Variants in CMSS1 observed in about 807,000 individuals in gnomAD.
CMSS1 encodes cms1 ribosomal small subunit homolog.
In CMSS1, 33 loss-of-function variants were observed where a neutral mutation model predicts 43.5. The ratio of observed to expected loss-of-function variants is 0.76; its 90% CI spans 0.57 to 1.01. CMSS1 has a LOEUF of 1.01. Among genes scored for constraint, CMSS1 ranks in the 50% least tolerant of loss-of-function variants. CMSS1 has a pLI of 0.00. For missense variants in CMSS1, 313 were observed against 326.4 expected, an observed-to-expected ratio of 0.96 and a Z score of 0.32; for synonymous variants, 115 against 117.2, an observed-to-expected ratio of 0.98 and a Z score of 0.12.
intron 1 of CMSS1, among the ~76,000 whole-genome samples, chr3:100,103,960 C>T (rs192405132): frequency 5.3e-5 from 8 of 152,252 alleles, no homozygotes; most frequent in Admixed American, 2.6e-4. Context: ...TTTAATCAGG[C>T]GCATTAACTC....
chr3:99,877,009 A>G (rs1296195191), intron 1 of CMSS1, among the ~76,000 whole-genome samples: 3 of 152,232 alleles, frequency 2.0e-5, no homozygotes, highest in Admixed American at 2.0e-4. Flanking sequence ...TGAAGAAAAA[A>G]GAAATTAGCC....
At chr3:100,131,197 A>G (rs2066705290) in intron 1 of CMSS1, among the ~76,000 whole-genome samples, 2 of 152,308 alleles carry the variant, frequency 1.3e-5, no homozygotes, top group South Asian at 4.1e-4. Context: ...GCGCAAAAAG[A>G]GCAAGTAACT....
chr3:99,835,551 A>G (rs1446238760), intron 1 of CMSS1, among the ~76,000 whole-genome samples: 4 of 152,222 alleles, frequency 2.6e-5, no homozygotes, highest in South Asian at 2.1e-4. Context: ...CTTAAATTTT[A>G]TATGCCCAGA....
At chr3:100,036,119 A>G (rs1398782314) in intron 1 of CMSS1, among the ~76,000 whole-genome samples, 1 of 152,236 alleles carries the variant, frequency 6.6e-6, no homozygotes, top group Non-Finnish European at 1.5e-5. Flanking sequence ...ATGGTATAGT[A>G]GTTCCTAAAT....
intron 1 of CMSS1, among the ~76,000 whole-genome samples, chr3:100,133,714 A>G (rs1340172602): frequency 6.6e-6 from 1 of 152,178 alleles, no homozygotes; most frequent in Non-Finnish European, 1.5e-5. Context: ...CCAAACACAA[A>G]TCATTATGTG....
At chr3:99,849,858 T>C (rs370561748) in intron 1 of CMSS1, 1 of 1,611,158 alleles carries the variant, frequency 6.2e-7, no homozygotes, top group Non-Finnish European at 8.5e-7. Context: ...CTTGATTTAA[T>C]TTGTTTTTTA....
chr3:100,144,335 A>AG (rs1352256557), intron 1 of CMSS1, among the ~76,000 whole-genome samples: 1 of 152,186 alleles, frequency 6.6e-6, no homozygotes, highest in Non-Finnish European at 1.5e-5. Flanking sequence ...ACTGTCCACT[A>AG]GGCTTCCTCT....
chr3:99,982,000 C>T (rs2107733751), intron 1 of CMSS1, among the ~76,000 whole-genome samples: 1 of 151,946 alleles, frequency 6.6e-6, no homozygotes, highest in East Asian at 2.1e-4. Context: ...AGCATAATCA[C>T]TTTTCTATTT....
chr3:100,063,812 T>G (rs955967749), intron 1 of CMSS1, among the ~76,000 whole-genome samples: 1 of 152,220 alleles, frequency 6.6e-6, no homozygotes, highest in Non-Finnish European at 1.5e-5. Context: ...TTAAAGCATC[T>G]AATTTCTTCT....
intron 1 of CMSS1, among the ~76,000 whole-genome samples, chr3:100,045,659 A>G (rs1212714448): frequency 6.6e-6 from 1 of 152,230 alleles, no homozygotes; most frequent in Non-Finnish European, 1.5e-5. Context: ...TTGCTGCTGC[A>G]GTGACTGATT....
intron 1 of CMSS1, among the ~76,000 whole-genome samples, chr3:99,881,051 C>T (rs141993997): frequency 6.6e-6 from 1 of 152,196 alleles, no homozygotes; most frequent in East Asian, 1.9e-4. Flanking sequence ...CCTAACATTG[C>T]CACGGTCTTG....
At chr3:99,868,752 C>T (rs1443929645) in intron 1 of CMSS1, among the ~76,000 whole-genome samples, 1 of 152,108 alleles carries the variant, frequency 6.6e-6, no homozygotes, top group East Asian at 1.9e-4. Context: ...TTTTGGAATG[C>T]TGCATTCAGT....
intron 2 of CMSS1, among the ~76,000 whole-genome samples, chr3:100,156,240 T>G (rs2066971444): frequency 6.7e-6 from 1 of 149,804 alleles, no homozygotes; most frequent in Admixed American, 6.6e-5. Context: ...TCCTCCTGCC[T>G]CAGCCTCCCA....
At chr3:99,861,076 A>AC (rs1944228811) in intron 1 of CMSS1, among the ~76,000 whole-genome samples, 1 of 149,626 alleles carries the variant, frequency 6.7e-6, no homozygotes, top group African/African-American at 2.5e-5. Flanking sequence ...TTCCTCCCCC[A>AC]CCCCCTGCTC....
chr3:100,049,018 A>G (rs971360969), intron 1 of CMSS1, among the ~76,000 whole-genome samples: 2 of 152,230 alleles, frequency 1.3e-5, no homozygotes, highest in African/African-American at 4.8e-5. Context: ...ATAAAAGAGT[A>G]TAGCAAACAA....
intron 1 of CMSS1, among the ~76,000 whole-genome samples, chr3:99,974,304 A>T (rs546900924): frequency 1.2e-4 from 19 of 152,326 alleles, no homozygotes; most frequent in African/African-American, 3.8e-4. Context: ...TTGGACCTGC[A>T]GTTTTTAGAA....
At position 99,984,919 on chromosome 3, in the gene CMSS1, T is replaced by C. The variant is rs545728707; in HGVS notation, c.65-162054T>C. ...TAGGTTAATAAGGAACTTGGACAAC[T>C]GGAATTCCCAGGTTAAATAAACTGA... On this transcript the variant is annotated intron_variant, in intron 1 of 9. Transcript: ENST00000421999. 2.0e-5 allele frequency among the ~76,000 whole-genome samples: 3 copies of C among 152,280 alleles called. No homozygotes were observed. In the South Asian group the frequency reaches 6.2e-4, roughly 32 times the overall value.
chr3:99,970,463 C>G (rs1708780505), intron 1 of CMSS1, among the ~76,000 whole-genome samples: 1 of 152,272 alleles, frequency 6.6e-6, no homozygotes, highest in Non-Finnish European at 1.5e-5. Flanking sequence ...CTCACATACT[C>G]TGTGCTTCCC....
intron 1 of CMSS1, among the ~76,000 whole-genome samples, chr3:99,905,571 G>A (rs554576320): frequency 4.3e-4 from 66 of 152,242 alleles, no homozygotes; most frequent in African/African-American, 1.5e-3. Flanking sequence ...TTTACTAAAT[G>A]TGCACAAATA....
Sources: allele counts gnomAD v4.1 joint callset (sites outside exome capture counted in the v4.1 genomes callset), GRCh38; gene constraint gnomAD v4.1.1; transcripts MANE v1.5; gene names NCBI Gene and HGNC (gene_info 2026-07-23, HGNC 2026-07-21).